Variants in PDPN observed in about 807,000 individuals in gnomAD.
PDPN encodes podoplanin.
Under a neutral mutation model 23.2 loss-of-function variants are expected in PDPN, and 12 were observed. The observed-to-expected ratio is 0.52, with a 90% confidence interval of 0.33 to 0.84. The LOEUF (loss-of-function observed/expected upper bound fraction) is 0.84, where lower values mean the gene tolerates loss of function less well. PDPN is among the 40% of genes least tolerant of loss of function. The probability of loss-of-function intolerance (pLI) is 0.02; values close to 1 mark genes in which losing one functional copy is unlikely to be tolerated. For synonymous variants in PDPN, 77 were observed against 76.7 expected, an observed-to-expected ratio of 1.00 and a Z score of -0.02; for missense variants, 199 against 212.2, an observed-to-expected ratio of 0.94 and a Z score of 0.39.
chr1:13,610,239 T>C (rs924807016), intron 2 of PDPN, 148 bp from the exon 3 acceptor site: 2 of 628,076 alleles, frequency 3.2e-6, no homozygotes, highest in Non-Finnish European at 5.5e-6. Context: ...CAAGATCTAA[T>C]TGTTCTGTTC....
intron 1 of PDPN, among the ~76,000 whole-genome samples, chr1:13,589,761 A>G (rs1252109392): frequency 2.0e-5 from 3 of 152,224 alleles, no homozygotes; most frequent in African/African-American, 7.2e-5. Flanking sequence ...GGACACCCAG[A>G]AAAGCGAGAG....
intron 1 of PDPN, among the ~76,000 whole-genome samples, chr1:13,594,219 A>G (rs950738308): frequency 2.6e-5 from 4 of 152,208 alleles, no homozygotes; most frequent in Admixed American, 6.5e-5. Flanking sequence ...GAACTTGTAG[A>G]TGCTGGTGGG....
intron 1 of PDPN, chr1:13,584,336 T>A: frequency 6.7e-7 from 1 of 1,486,344 alleles, no homozygotes; most frequent in Admixed American, 2.1e-5. Context: ...ATCCACAGGC[T>A]GCGAGGTGGG....
At chr1:13,584,482 G>T (rs931915628) in intron 1 of PDPN, 7 of 589,382 alleles carry the variant, frequency 1.2e-5, no homozygotes, top group African/African-American at 5.6e-5. Context: ...GAATACGCAC[G>T]CCTCGGGAGA....
intron 1 of PDPN, among the ~76,000 whole-genome samples, chr1:13,598,471 C>G (rs545041680): frequency 6.6e-6 from 1 of 152,266 alleles, no homozygotes; most frequent in South Asian, 2.1e-4. Context: ...CTAAGCTTCT[C>G]CCTGCTTCAG....
intron 1 of PDPN, among the ~76,000 whole-genome samples, chr1:13,605,080 T>A (rs1372938709): frequency 6.6e-6 from 1 of 152,224 alleles, no homozygotes; most frequent in East Asian, 1.9e-4. Context: ...ACAAGTGAAC[T>A]AACTTCAGAG....
Position 13,617,193 on chromosome 1 carries a change from C to G in PDPN, c.*1282C>G, listed in dbSNP as rs1373034243. On this transcript the variant is annotated 3_prime_UTR_variant, in exon 6 of 6. Coordinates refer to ENST00000621990, the MANE Select transcript of PDPN (RefSeq NM_006474.5). Reference sequence around the variant, plus strand: ...TTTTTTCCTAAACAAAGTTTTTACACTGAGCAGATGCTCTGTCATGATGGC... The same window carrying G: ...TTTTTTCCTAAACAAAGTTTTTACAGTGAGCAGATGCTCTGTCATGATGGC... 3.3e-5 allele frequency: 5 copies of G among 150,970 alleles called. No individual in the cohort carries two copies. Among genetic ancestry groups the G allele is most frequent in the African/African-American group, 1.2e-4 (5 of 40,980 alleles). 9.4% of individuals were successfully genotyped at this position (150,970 alleles called of 1,614,324 possible). A position where few individuals can be genotyped will look rare whatever the true frequency, so the allele number is the denominator to read the frequency against.
intron 1 of PDPN, chr1:13,585,544 G>A (rs1234145250): frequency 7.4e-7 from 1 of 1,351,778 alleles, no homozygotes; most frequent in South Asian, 1.1e-5. Flanking sequence ...CAGCATCTCA[G>A]CCCTGCTAAA....
In PDPN at chr1:13,586,336, T is replaced by C. The variant is rs146125825; in HGVS notation, c.67+2236T>C. 1.2e-3 allele frequency among the ~76,000 whole-genome samples: 178 copies of C among 152,306 alleles called. 1 individual carries two copies. The highest frequency in any genetic ancestry group is 4.0e-3 in the African/African-American group (165 of 41,568). On this transcript the variant is annotated intron_variant, in intron 1 of 5. Coordinates refer to ENST00000621990, the MANE Select transcript of PDPN (RefSeq NM_006474.5). ...AGGCACTTAATAAAGATCAGGTCTGTTAGAGGCTTTGTGAGGGAGGCCTCT... is the reference window on the plus strand; with the variant it reads ...AGGCACTTAATAAAGATCAGGTCTGCTAGAGGCTTTGTGAGGGAGGCCTCT...
At chr1:13,610,620 A>T in intron 3 of PDPN, 104 bp downstream of exon 3, 1 of 1,155,706 alleles carries the variant, frequency 8.7e-7, no homozygotes, top group Non-Finnish European at 1.2e-6. Context: ...GCATATTGGG[A>T]TGCAAGAGTG....
chr1:13,614,624 G>A (rs980403831), intron 5 of PDPN: 16 of 475,478 alleles, frequency 3.4e-5, no homozygotes, highest in African/African-American at 3.2e-4. Flanking sequence ...ATGTTCCAAA[G>A]TTCCTTACTT....
intron 2 of PDPN, among the ~76,000 whole-genome samples, chr1:13,607,830 C>T (rs896415561): frequency 2.0e-5 from 3 of 152,128 alleles, no homozygotes; most frequent in African/African-American, 7.2e-5. Flanking sequence ...CTCAGCCGGG[C>T]GTGGTGGCTC....
chr1:13,604,093 C>T (rs1055686704), intron 1 of PDPN, among the ~76,000 whole-genome samples: 17 of 152,188 alleles, frequency 1.1e-4, no homozygotes, highest in African/African-American at 4.1e-4. Context: ...ATGGCAAATT[C>T]GTCACTCTAC....
intron 1 of PDPN, among the ~76,000 whole-genome samples, chr1:13,591,573 A>C (rs946121441): frequency 9.9e-5 from 15 of 152,150 alleles, no homozygotes; most frequent in African/African-American, 3.6e-4. Flanking sequence ...GGATTTGCTT[A>C]TTCTGGATAT....
chr1:13,596,929 C>T (rs1032218955), intron 1 of PDPN, among the ~76,000 whole-genome samples: 4 of 152,020 alleles, frequency 2.6e-5, no homozygotes, highest in Non-Finnish European at 4.4e-5. Context: ...AGTGGGTGGC[C>T]GGCAGAGTGC....
intron 1 of PDPN, chr1:13,595,789 C>T (rs566493346): frequency 2.0e-6 from 2 of 1,007,560 alleles, no homozygotes; most frequent in African/African-American, 3.3e-5. Flanking sequence ...TTTGCAGGTG[C>T]CGTGCTATCT....
At chr1:13,605,922 A>G (rs1640776432) in intron 1 of PDPN, among the ~76,000 whole-genome samples, 1 of 152,010 alleles carries the variant, frequency 6.6e-6, no homozygotes, top group South Asian at 2.1e-4. Flanking sequence ...CACCTGGCCC[A>G]GAAACCTTTC....
chr1:13,587,183 T>A (rs983177556), intron 1 of PDPN, among the ~76,000 whole-genome samples: 1 of 152,220 alleles, frequency 6.6e-6, no homozygotes, highest in East Asian at 1.9e-4. Flanking sequence ...CTCCCCATAA[T>A]GTTCTTTTAA....
chr1:13,610,557 T>G (rs746812865), intron 3 of PDPN, 41 bp downstream of exon 3: 1 of 1,597,588 alleles, frequency 6.3e-7, no homozygotes, highest in Non-Finnish European at 8.5e-7. Context: ...GATCTACTTT[T>G]GCATAATTGG....
Sources: allele counts gnomAD v4.1 joint callset (sites outside exome capture counted in the v4.1 genomes callset), GRCh38; gene constraint gnomAD v4.1.1; transcripts MANE v1.5; gene names NCBI Gene and HGNC (gene_info 2026-07-23, HGNC 2026-07-21).